Variants in SFSWAP observed in about 807,000 individuals in gnomAD.
The protein encoded by SFSWAP is splicing factor, suppressor of white-apricot homolog.
SFSWAP carries 17 observed loss-of-function variants against 100.7 expected under a neutral mutation model. The observed-to-expected ratio is 0.17, with a 90% CI of 0.12 to 0.25. The LOEUF (loss-of-function observed/expected upper bound fraction) is 0.25, where lower values mean the gene tolerates loss of function less well. SFSWAP is among the 10% of genes least tolerant of loss of function. The pLI is 1.00. For synonymous variants in SFSWAP, 504 were observed against 510.1 expected (o/e 0.99, Z 0.16); for missense variants, 1,005 against 1,262.6 (o/e 0.80, Z 3.09).
intron 15 of SFSWAP, among the ~76,000 whole-genome samples, chr12:131,791,015 A>G (rs904877947): frequency 8.5e-5 from 13 of 152,246 alleles, no homozygotes; most frequent in East Asian, 5.8e-4. Flanking sequence ...AAGATTGTAG[A>G]CTTAAAACCA....
At chr12:131,789,686 T>C (rs1044515724) in intron 15 of SFSWAP, among the ~76,000 whole-genome samples, 7 of 149,602 alleles carry the variant, frequency 4.7e-5, no homozygotes, top group African/African-American at 1.7e-4. Context: ...TTCGTGTGTG[T>C]ATTTCATGAC....
At chr12:131,749,937 G>C (rs1349793947) in intron 7 of SFSWAP, among the ~76,000 whole-genome samples, 1 of 152,220 alleles carries the variant, frequency 6.6e-6, no homozygotes, top group Non-Finnish European at 1.5e-5. Flanking sequence ...CTTCCCGAAA[G>C]AGGTGGCACT....
At chr12:131,752,972 T>C (rs1198399846) in intron 7 of SFSWAP, 151 bp from the exon 8 acceptor site, 12 of 1,196,472 alleles carry the variant, frequency 1.0e-5, no homozygotes, top group Non-Finnish European at 1.1e-5. Context: ...GACAACTTTT[T>C]GTATCAGAAA....
At chr12:131,753,019 C>A in intron 7 of SFSWAP, 104 bp from the exon 8 acceptor site, 1 of 1,516,088 alleles carries the variant, frequency 6.6e-7, no homozygotes, top group Non-Finnish European at 9.0e-7. Context: ...TGAGCAGAGG[C>A]AAGGCTGCAT....
chr12:131,793,753 A>T (rs908253197), intron 15 of SFSWAP, among the ~76,000 whole-genome samples: 3 of 152,192 alleles, frequency 2.0e-5, no homozygotes, highest in Non-Finnish European at 4.4e-5. Context: ...AAGGGGGCAG[A>T]TGAAGCCAGC....
At chr12:131,798,439 A>G (rs1405680214) in intron 16 of SFSWAP, among the ~76,000 whole-genome samples, 1 of 152,170 alleles carries the variant, frequency 6.6e-6, no homozygotes, top group Non-Finnish European at 1.5e-5. Context: ...TGGTTCTGGG[A>G]AGGCTCCACC....
chr12:131,770,957 G>T (rs1217205736), intron 13 of SFSWAP, among the ~76,000 whole-genome samples: 1 of 152,196 alleles, frequency 6.6e-6, no homozygotes, highest in Non-Finnish European at 1.5e-5. Context: ...TCTGTGCCTG[G>T]CTGACTTCAC....
chr12:131,770,200 G>A (rs1213291220), intron 13 of SFSWAP, among the ~76,000 whole-genome samples: 3 of 152,168 alleles, frequency 2.0e-5, no homozygotes, highest in Non-Finnish European at 2.9e-5. Flanking sequence ...TGCTTTACTC[G>A]CTGATGTTGA....
chr12:131,766,001 C>A, intron 12 of SFSWAP, 117 bp from the exon 13 acceptor site: 1 of 962,140 alleles, frequency 1.0e-6, no homozygotes, highest in South Asian at 1.7e-5. Context: ...ATGTATGTAC[C>A]TATTCAGAAA....
chr12:131,753,458 A>G (rs1219283845), intron 8 of SFSWAP, 95 bp downstream of exon 8: 2 of 1,458,244 alleles, frequency 1.4e-6, no homozygotes, highest in Admixed American at 2.5e-5. Flanking sequence ...TGTAATCTAG[A>G]TCATATACAG....
At chr12:131,768,596 G>A (rs1025842653) in intron 13 of SFSWAP, among the ~76,000 whole-genome samples, 3 of 152,156 alleles carry the variant, frequency 2.0e-5, no homozygotes, top group African/African-American at 7.2e-5. Context: ...CCGCAGGGTG[G>A]GCTCCTGCCC....
chr12:131,798,800 G>C (rs1469504729), intron 16 of SFSWAP, among the ~76,000 whole-genome samples: 2 of 152,134 alleles, frequency 1.3e-5, no homozygotes, highest in East Asian at 3.9e-4. Context: ...TGAGGCAGGA[G>C]AATTGCTTGA....
chr12:131,798,952 G>T (rs1885871252), intron 16 of SFSWAP, 85 bp from the exon 17 acceptor site: 2 of 939,436 alleles, frequency 2.1e-6, no homozygotes, highest in African/African-American at 3.3e-5. Context: ...TAGAGTTGGG[G>T]TTCGGAGGTG....
chr12:131,712,944 A>G (rs778121664), intron 1 of SFSWAP: 2 of 152,218 alleles, frequency 1.3e-5, no homozygotes, highest in African/African-American at 4.8e-5. Flanking sequence ...GTACATGTAT[A>G]ATATTTTTAA....
At chr12:131,777,358 G>T (rs2136254458) in intron 13 of SFSWAP, among the ~76,000 whole-genome samples, 1 of 152,130 alleles carries the variant, frequency 6.6e-6, no homozygotes, top group East Asian at 1.9e-4. Context: ...TGTTCTCGTT[G>T]TTCAGTTCCC....
intron 3 of SFSWAP, among the ~76,000 whole-genome samples, chr12:131,717,354 G>C (rs1206726249): frequency 6.6e-6 from 1 of 152,068 alleles, no homozygotes; most frequent in Non-Finnish European, 1.5e-5. Flanking sequence ...TTATCCTTTA[G>C]ATGTTCATAA....
intron 7 of SFSWAP, 87 bp from the exon 8 acceptor site, chr12:131,753,036 G>C: frequency 6.4e-7 from 1 of 1,561,558 alleles, no homozygotes; most frequent in South Asian, 1.2e-5. Flanking sequence ...GCATCTTGCC[G>C]GGGGAAGGGC....
At chr12:131,799,346 CG>C (rs1885907820) in intron 17 of SFSWAP, 76 bp from the exon 18 acceptor site, 1 of 1,458,234 alleles carries the variant, frequency 6.9e-7, no homozygotes, top group Non-Finnish European at 9.6e-7. Context: ...ACCACCAACT[CG>C]TTGATGAATT....
intron 10 of SFSWAP, among the ~76,000 whole-genome samples, chr12:131,756,212 A>G (rs1882144747): frequency 1.3e-5 from 2 of 152,232 alleles, no homozygotes; most frequent in Admixed American, 6.5e-5. Context: ...AAAGATACTG[A>G]AAATTGGTTC....
Sources: allele counts gnomAD v4.1 joint callset (sites outside exome capture counted in the v4.1 genomes callset), GRCh38; gene constraint gnomAD v4.1.1; transcripts MANE v1.5; gene names NCBI Gene and HGNC (gene_info 2026-07-23, HGNC 2026-07-21).